The following TAFA2 variants were observed in gnomAD, a reference collection of about 807,000 sequenced individuals.
TAFA2 encodes the protein TAFA chemokine like family member 2, also known as chemokine-like protein TAFA-2.
TAFA2 carries 7 observed loss-of-function variants against 18.8 expected under a neutral mutation model. The observed-to-expected ratio is 0.37, with a 90% CI of 0.21 to 0.70. The LOEUF is 0.70. Ranked by LOEUF, TAFA2 falls within the 30% of genes least tolerant of loss-of-function variation. The probability of loss-of-function intolerance (pLI) is 0.53; values close to 1 mark genes in which losing one functional copy is unlikely to be tolerated. For missense variants in TAFA2, 122 were observed against 158.1 expected (o/e 0.77, Z 1.23); for synonymous variants, 60 against 54.2 (o/e 1.11, Z -0.47).
chr12:61,757,949 A>G (rs1207511301), intron 2 of TAFA2, among the ~76,000 whole-genome samples: 1 of 152,040 alleles, frequency 6.6e-6, no homozygotes. Flanking sequence ...TACGTTATCT[A>G]TTATGCATGG....
intron 2 of TAFA2, among the ~76,000 whole-genome samples, chr12:61,771,279 GT>G (rs1475714977): frequency 2.0e-5 from 3 of 151,914 alleles, no homozygotes; most frequent in Non-Finnish European, 4.4e-5. Context: ...CATGATAATA[GT>G]GGGGGACTTC....
chr12:61,797,875 A>G (rs899841736), intron 2 of TAFA2, among the ~76,000 whole-genome samples: 1 of 152,218 alleles, frequency 6.6e-6, no homozygotes, highest in African/African-American at 2.4e-5. Flanking sequence ...CTCCTGTATG[A>G]AATTTTTGTC....
At chr12:61,751,250 G>A (rs947412328) in intron 4 of TAFA2, among the ~76,000 whole-genome samples, 2 of 151,938 alleles carry the variant, frequency 1.3e-5, no homozygotes, top group Non-Finnish European at 2.9e-5. Context: ...AAAACTTTTT[G>A]CTTCATTTGT....
At chr12:61,882,281 C>T (rs1217845141) in intron 1 of TAFA2, among the ~76,000 whole-genome samples, 2 of 152,138 alleles carry the variant, frequency 1.3e-5, no homozygotes, top group Non-Finnish European at 2.9e-5. Context: ...TACTGAAAAA[C>T]AGATGTCTTG....
At chr12:61,936,610 A>C (rs144204139) in intron 1 of TAFA2, among the ~76,000 whole-genome samples, 1 of 145,264 alleles carries the variant, frequency 6.9e-6, no homozygotes, top group Non-Finnish European at 1.5e-5. Flanking sequence ...ATAAATAAAT[A>C]AATCCAGCAT....
chr12:61,863,847 T>TG (rs1420572567), intron 2 of TAFA2, among the ~76,000 whole-genome samples: 1 of 152,130 alleles, frequency 6.6e-6, no homozygotes, highest in Non-Finnish European at 1.5e-5. Flanking sequence ...CTCCTTGCCA[T>TG]GGGGAACAGG....
intron 2 of TAFA2, among the ~76,000 whole-genome samples, chr12:61,831,748 C>G (rs1001137450): frequency 6.6e-5 from 10 of 151,876 alleles, no homozygotes; most frequent in Admixed American, 3.9e-4. Flanking sequence ...ATGTGCACAA[C>G]GTGCAGGTTT....
In TAFA2 at chr12:62,230,670, C is replaced by CTTTG. The variant is rs374264583; in HGVS notation, c.-130+28089_-130+28092dup. ...AGAATGTTTTTGGGTTTTGGTTTTT[C>CTTTG]TTTGTTTGTTTGTTTGTTTGTTTTT... On this transcript the variant is annotated intron_variant, in intron 1 of 5. Transcript: ENST00000551619. Among the ~76,000 whole-genome samples the CTTTG allele has an allele frequency of 3.9e-4, 60 of 151,966 alleles. No individual in the cohort carries two copies. In the South Asian group the frequency reaches 6.4e-3, roughly 16 times the overall value.
At chr12:62,062,850 C>T (rs56085119) in intron 1 of TAFA2, among the ~76,000 whole-genome samples, 1 of 151,938 alleles carries the variant, frequency 6.6e-6, no homozygotes, top group Non-Finnish European at 1.5e-5. Context: ...AAGGCCTTTC[C>T]CAGCTTTTAA....
intron 1 of TAFA2, among the ~76,000 whole-genome samples, chr12:62,055,861 G>A (rs943323672): frequency 2.6e-5 from 4 of 152,152 alleles, no homozygotes; most frequent in African/African-American, 7.2e-5. Context: ...ATGAGTGTGT[G>A]TGTATGTTGG....
chr12:62,136,702 C>T (rs1163481036), intron 1 of TAFA2, among the ~76,000 whole-genome samples: 2 of 152,078 alleles, frequency 1.3e-5, no homozygotes, highest in African/African-American at 4.8e-5. Flanking sequence ...CATCTTCTAA[C>T]CACAAAGTGT....
intron 1 of TAFA2, among the ~76,000 whole-genome samples, chr12:62,052,683 G>A (rs966178698): frequency 6.6e-6 from 1 of 152,062 alleles, no homozygotes; most frequent in African/African-American, 2.4e-5. Context: ...AATGATGAAA[G>A]CTGCTCTACC....
chr12:61,801,413 A>G (rs7297337), intron 2 of TAFA2, among the ~76,000 whole-genome samples: 3,002 of 152,240 alleles, frequency 0.02, 97 homozygotes, highest in African/African-American at 0.068. Context: ...TAGTACTGGT[A>G]TAAAAACAGA....
Position 61,967,058 on chromosome 12 carries a change from C to A in TAFA2, c.-1-99632G>T, listed in dbSNP as rs868442203. Among the ~76,000 whole-genome samples, 8 of 151,854 alleles carry A rather than the reference C, an allele frequency of 5.3e-5. No individual in the cohort carries two copies. In the South Asian group the frequency reaches 6.2e-4, roughly 12 times the overall value. Reference sequence around the variant, plus strand: ...TTTATATTACAAATTTTTAATTGCTCTAAATTAAAGGTAAGAAGTGATGAG... The same window carrying A: ...TTTATATTACAAATTTTTAATTGCTATAAATTAAAGGTAAGAAGTGATGAG... On this transcript the variant is annotated intron_variant, in intron 1 of 4. Coordinates refer to ENST00000416284, the MANE Select transcript of TAFA2 (RefSeq NM_178539.5).
intron 2 of TAFA2, among the ~76,000 whole-genome samples, chr12:61,778,574 C>A (rs879258099): frequency 2.0e-5 from 3 of 151,800 alleles, no homozygotes; most frequent in Non-Finnish European, 4.4e-5. Context: ...CCATGGTAGG[C>A]TAGACAAAGG....
intron 1 of TAFA2, among the ~76,000 whole-genome samples, chr12:62,112,641 T>C (rs1041878313): frequency 6.6e-6 from 1 of 152,172 alleles, no homozygotes; most frequent in African/African-American, 2.4e-5. Flanking sequence ...GGTTTGGTCT[T>C]TTCACACAGT....
In TAFA2 at chr12:62,082,303, T is replaced by A. The variant is rs180841286; in HGVS notation, c.-2+108956A>T. 3.5e-3 allele frequency among the ~76,000 whole-genome samples: 527 copies of A among 152,332 alleles called. 4 individuals carry two copies. The highest frequency in any genetic ancestry group is 2.7e-3 in the Non-Finnish European group (181 of 68,030). On this transcript the variant is annotated intron_variant, in intron 1 of 4. Transcript: ENST00000416284. The stretch of plus-strand genomic sequence containing the variant: ...AGAACAAATTATATTCCTTTGGGTA[T>A]ATACCAGTAATGGAATTTCTGGGTC...
intron 1 of TAFA2, among the ~76,000 whole-genome samples, chr12:62,099,306 C>G (rs1592334313): frequency 1.3e-5 from 2 of 152,060 alleles, no homozygotes; most frequent in Non-Finnish European, 2.9e-5. Context: ...ATTATCCGTA[C>G]TATATTAAAA....
chr12:61,852,310 G>A (rs1196508729), intron 2 of TAFA2, among the ~76,000 whole-genome samples: 5 of 152,130 alleles, frequency 3.3e-5, no homozygotes, highest in Non-Finnish European at 7.4e-5. Flanking sequence ...AAAAGGAACT[G>A]GATTTCACAA....
Sources: allele counts gnomAD v4.1 joint callset (sites outside exome capture counted in the v4.1 genomes callset), GRCh38; gene constraint gnomAD v4.1.1; transcripts MANE v1.5; gene names NCBI Gene and HGNC (gene_info 2026-07-23, HGNC 2026-07-21).